The following HSP90AB1 variants were observed in gnomAD, a reference collection of about 807,000 sequenced individuals.
HSP90AB1 encodes heat shock protein 90 alpha family class B member 1.
Under a neutral mutation model 67.8 loss-of-function variants are expected in HSP90AB1, and 17 were observed. The ratio of observed to expected loss-of-function variants is 0.25; its 90% CI spans 0.17 to 0.38. The LOEUF is 0.38. HSP90AB1 is among the 10% of genes least tolerant of loss of function. The pLI is 1.00. For missense variants in HSP90AB1, 690 were observed against 899.9 expected (o/e 0.77, Z 2.98); for synonymous variants, 390 against 312.9 (o/e 1.25, Z -2.60).
In HSP90AB1 at chr6:44,251,502, T is replaced by C. The variant is rs1272125202; in HGVS notation, c.1208T>C (p.Val403Ala). Reference sequence around the variant, plus strand: ...CTCCAGCAGAGCAAAATCTTGAAAGTCATTCGCAAAAACATTGTTAAGAAG... The same window carrying C: ...CTCCAGCAGAGCAAAATCTTGAAAGCCATTCGCAAAAACATTGTTAAGAAG... The part of the protein sequence containing the change: ...EMLQQSKILK[V>A]IRKNIVKKCL... Residue 403 changes from valine (V) to alanine (A), a missense_variant, in exon 8 of 12, where the codon GTC becomes GCC. Transcript: ENST00000371646. 1 of 1,612,112 alleles carries C rather than the reference T, an allele frequency of 6.2e-7. No individual in the cohort carries two copies. Among genetic ancestry groups the C allele is most frequent in the Non-Finnish European group, 8.5e-7 (1 of 1,178,514 alleles).
chr6:44,252,331 T>C (rs764636812), intron 10 of HSP90AB1, 64 bp downstream of exon 10: 8 of 1,488,458 alleles, frequency 5.4e-6, no homozygotes, highest in Admixed American at 5.2e-5. Context: ...CTCACAAGCA[T>C]GTTTCTATAC....
intron 2 of HSP90AB1, among the ~76,000 whole-genome samples, chr6:44,249,148 C>T (rs969670998): frequency 6.1e-5 from 4 of 65,784 alleles, no homozygotes; most frequent in African/African-American, 2.3e-4. Context: ...CGAGGGCAGC[C>T]TGGGCAACCG....
rs1230406750 is a variant in HSP90AB1, at chr6:44,252,046, C to T, written c.1510C>T (p.Arg504Trp). Residue 504 changes from arginine (R) to tryptophan (W), a missense_variant, in exon 10 of 12, where the codon CGG becomes TGG. By Grantham distance (101) the Arg-to-Trp change is moderately radical (BLOSUM62 -3). Coordinates refer to ENST00000371646, the MANE Select transcript of HSP90AB1 (RefSeq NM_007355.4). ...VANSAFVERV[R>W]KRGFEVVYMT... ...CAACTCAGCTTTTGTGGAGCGAGTG[C>T]GGAAACGGGGCTTCGAGGTGGTATA... The T allele has an allele frequency of 1.6e-5, 26 of 1,613,966 alleles. No homozygotes were observed. The highest frequency in any genetic ancestry group is 2.2e-5 in the East Asian group (1 of 44,888).
At chr6:44,251,284 C>G in intron 7 of HSP90AB1, 71 bp downstream of exon 7, 1 of 1,573,042 alleles carries the variant, frequency 6.4e-7, no homozygotes, top group Non-Finnish European at 8.7e-7. Flanking sequence ...CTAGGATATT[C>G]TAAGGTAACA....
At position 44,252,208 on chromosome 6, in the gene HSP90AB1, G is replaced by A. The variant is rs1055010918; in HGVS notation, c.1672G>A (p.Ala558Thr). 1.6e-5 allele frequency: 26 copies of A among 1,614,004 alleles called. No individual in the cohort carries two copies. The Admixed American group carries it at 3.3e-4, about 21-fold the overall frequency. Residue 558 changes from alanine (A) to threonine (T), a missense_variant, in exon 10 of 12, where the codon GCA becomes ACA. Transcript: ENST00000371646. ...GAAGAAGAAGATGGAAGAGAGCAAGGCAAAGTTTGAGAACCTCTGCAAGCT... is the reference window on the plus strand; with the variant it reads ...GAAGAAGAAGATGGAAGAGAGCAAGACAAAGTTTGAGAACCTCTGCAAGCT... ...EEKKKMEESK[A>T]KFENLCKLMK... is the part of the protein sequence containing the mutation.
Position 44,248,610 on chromosome 6 carries a change from T to A in HSP90AB1, c.1-20T>A, listed in dbSNP as rs935583393. 6.3e-7 allele frequency: 1 copy of A among 1,597,220 alleles called. No homozygotes were observed. ...TGGGGCCTTAGTGTTCTTTTGTAAT[T>A]AATGAGATTTTTATTTTAGATGCCT... On this transcript the variant is annotated intron_variant, in intron 1 of 11. Coordinates refer to ENST00000371646, the MANE Select transcript of HSP90AB1 (RefSeq NM_007355.4).
intron 2 of HSP90AB1, among the ~76,000 whole-genome samples, chr6:44,249,083 G>A (rs1247378703): frequency 1.3e-5 from 2 of 152,222 alleles, no homozygotes; most frequent in South Asian, 2.1e-4. Flanking sequence ...GTGGCTGAGC[G>A]TGTTGGCTCA....
At chr6:44,249,624 T>C in intron 3 of HSP90AB1, 41 bp downstream of exon 3, 1 of 1,611,204 alleles carries the variant, frequency 6.2e-7, no homozygotes, top group Non-Finnish European at 8.5e-7. Flanking sequence ...TCTGTGTTCT[T>C]TGGTTTTTTG....
At position 44,253,636 on chromosome 6, in the gene HSP90AB1, T is replaced by TGGACACTATACA. The variant is rs1781020793; in HGVS notation, c.*38_*39insGGACACTATACA. 1.3e-6 allele frequency: 2 copies of TGGACACTATACA among 1,499,016 alleles called. No individual in the cohort carries two copies. The highest frequency in any genetic ancestry group is 1.9e-6 in the Non-Finnish European group (2 of 1,075,330). The allele number at this position is 1,499,016 out of a possible 1,614,324, so 92.9% of individuals were successfully genotyped here. A position where few individuals can be genotyped will look rare whatever the true frequency, so the allele number is the denominator to read the frequency against. On this transcript the variant is annotated 3_prime_UTR_variant, in exon 12 of 12. Coordinates refer to ENST00000371646, the MANE Select transcript of HSP90AB1 (RefSeq NM_007355.4). Reference sequence around the variant, plus strand: ...TAGTTGGAAAACTTGTGCCCTTGTATAGTGTCCCCATGGGCTCCCACTGCA... The same window carrying TGGACACTATACA: ...TAGTTGGAAAACTTGTGCCCTTGTATGGACACTATACAAGTGTCCCCATGGGCTCCCACTGCA...
intron 1 of HSP90AB1, 101 bp from the exon 2 acceptor site, chr6:44,248,529 C>A: frequency 9.2e-7 from 1 of 1,088,892 alleles, no homozygotes; most frequent in Non-Finnish European, 1.3e-6. Flanking sequence ...TTAAACCAGT[C>A]TGAACTCACT....
intron 9 of HSP90AB1, 29 bp downstream of exon 9, chr6:44,251,913 G>A (rs753155479): frequency 6.2e-7 from 1 of 1,613,060 alleles, no homozygotes. Flanking sequence ...AAGCCTTTTT[G>A]GAGGAGTGGG....
At chr6:44,248,800 T>C in intron 2 of HSP90AB1, 24 bp downstream of exon 2, 1 of 1,538,448 alleles carries the variant, frequency 6.5e-7, no homozygotes. Context: ...TTTCCACATT[T>C]GGCATGGTTT....
chr6:44,250,165 A>G lies in HSP90AB1; in HGVS notation c.648+11A>G. ...CCCATCACCCTTTATGTGAGTATGG[A>G]CTTTTAAATCTTTTACACTTAACGT... On this transcript the variant is annotated intron_variant, in intron 5 of 11. Coordinates refer to ENST00000371646, the MANE Select transcript of HSP90AB1 (RefSeq NM_007355.4). The G allele has an allele frequency of 6.2e-7, 1 of 1,614,144 alleles. No individual in the cohort carries two copies. Among genetic ancestry groups the G allele is most frequent in the Middle Eastern group, 1.7e-4 (1 of 6,060 alleles).
In HSP90AB1 at chr6:44,247,151, A is replaced by G. The variant is rs1445598495; in HGVS notation, c.-45A>G. 6.6e-6 allele frequency: 1 copy of G among 152,258 alleles called. No individual in the cohort carries two copies. Among genetic ancestry groups the G allele is most frequent in the Non-Finnish European group, 1.5e-5 (1 of 68,052 alleles). 9.4% of individuals were successfully genotyped at this position (152,258 alleles called of 1,614,324 possible). A position where few individuals can be genotyped will look rare whatever the true frequency, so the allele number is the denominator to read the frequency against. On this transcript the variant is annotated 5_prime_UTR_variant, in exon 1 of 12. Coordinates refer to ENST00000371646, the MANE Select transcript of HSP90AB1 (RefSeq NM_007355.4). Reference sequence around the variant, plus strand: ...TGGGACTGTCTGGGTATCGGAAAGCAAGCCTACGTTGCTCACTATTACGTA... The same window carrying G: ...TGGGACTGTCTGGGTATCGGAAAGCGAGCCTACGTTGCTCACTATTACGTA...
chr6:44,253,431 C>T (rs1780984753), intron 11 of HSP90AB1, 53 bp downstream of exon 11: 3 of 1,603,658 alleles, frequency 1.9e-6, no homozygotes, highest in South Asian at 2.2e-5. Flanking sequence ...CTCGTCTCCT[C>T]TATGGATTTG....
At chr6:44,252,297 T>C (rs373994136) in intron 10 of HSP90AB1, 30 bp downstream of exon 10, 100 of 1,599,392 alleles carry the variant, frequency 6.3e-5, no homozygotes, top group Non-Finnish European at 7.9e-5. Context: ...GGATATATTT[T>C]GTAACATCTT....
chr6:44,247,436 C>T (rs906183196), intron 1 of HSP90AB1, among the ~76,000 whole-genome samples: 5 of 151,818 alleles, frequency 3.3e-5, no homozygotes, highest in African/African-American at 1.2e-4. Flanking sequence ...GCGAGGTGGG[C>T]TGTGGGGTTG....
Position 44,249,746 on chromosome 6 carries a change from A to G in HSP90AB1, c.426A>G (p.Lys142=), listed in dbSNP as rs1162880320. ...ATTCTGCCTACTTGGTGGCAGAGAA[A>G]GTGGTTGTGATCACAAAGCACAACG... ...GFYSAYLVAE[K]VVVITKHNDD... The change falls in exon 4 of 12, where the codon AAA becomes AAG. Residue 142 remains lysine (K), a synonymous_variant. Coordinates refer to ENST00000371646, the MANE Select transcript of HSP90AB1 (RefSeq NM_007355.4). 1.2e-6 allele frequency: 2 copies of G among 1,614,112 alleles called. No individual in the cohort carries two copies. Among genetic ancestry groups the G allele is most frequent in the Non-Finnish European group, 8.5e-7 (1 of 1,180,012 alleles).
Position 44,249,749 on chromosome 6 carries a change from G to T in HSP90AB1, c.429G>T (p.Val143=). Residue 143 remains valine (V), a synonymous_variant, in exon 4 of 12, where the codon GTG becomes GTT. Coordinates refer to ENST00000371646, the MANE Select transcript of HSP90AB1 (RefSeq NM_007355.4). ...CTGCCTACTTGGTGGCAGAGAAAGTGGTTGTGATCACAAAGCACAACGATG... is the reference window on the plus strand; with the variant it reads ...CTGCCTACTTGGTGGCAGAGAAAGTTGTTGTGATCACAAAGCACAACGATG... ...FYSAYLVAEK[V]VVITKHNDDE... 6.2e-7 allele frequency: 1 copy of T among 1,614,068 alleles called. No individual in the cohort carries two copies. Among genetic ancestry groups the T allele is most frequent in the African/African-American group, 1.3e-5 (1 of 75,020 alleles).
Sources: gnomAD v4.1 joint callset for allele counts (sites outside exome capture counted in the v4.1 genomes callset) on GRCh38, gnomAD v4.1.1 for gene constraint, MANE v1.5 for transcripts, NCBI Gene and HGNC (gene_info 2026-07-23, HGNC 2026-07-21) for gene names.